MALRD1: variants seen among roughly 807,000 people sequenced by gnomAD.
MALRD1 encodes the protein MAM and LDL-receptor class A domain-containing protein 1.
A neutral mutation model predicts 242.1 loss-of-function variants in MALRD1; 247 were observed. The ratio of observed to expected loss-of-function variants is 1.02; its 90% CI spans 0.92 to 1.13. The LOEUF (loss-of-function observed/expected upper bound fraction) is 1.13. MALRD1 is among the 50% of genes most tolerant of loss of function. The probability of loss-of-function intolerance (pLI) is 0.00; values close to 1 mark genes in which losing one functional copy is unlikely to be tolerated. For synonymous variants in MALRD1, 995 were observed against 866.6 expected, an observed-to-expected ratio of 1.15 and a Z score of -2.60; for missense variants, 2,989 against 2,533.1, an observed-to-expected ratio of 1.18 and a Z score of -3.86.
Position 19,643,141 on chromosome 10 carries a change from A to G in MALRD1, c.6137+27218A>G, listed in dbSNP as rs113445866. ...TTAGTAGTAATGTGGGTAAAATAAA[A>G]ATTGTTTAAGCCCGGAGCGGTGGCT... On this transcript the variant is annotated intron_variant, in intron 36 of 39. Coordinates refer to ENST00000454679, the MANE Select transcript of MALRD1 (RefSeq NM_001142308.3). 2.2e-3 allele frequency among the ~76,000 whole-genome samples: 342 copies of G among 152,226 alleles called. 1 individual carries two copies. The highest frequency in any genetic ancestry group is 7.4e-3 in the African/African-American group (308 of 41,554).
chr10:19,355,926 CATAT>C lies in MALRD1; in HGVS notation c.4441+3633_4441+3636del, dbSNP rs1844617543. Among the ~76,000 whole-genome samples the C allele has an allele frequency of 3.6e-5, 5 of 139,612 alleles. No individual in the cohort carries two copies. The South Asian group carries it at 1.1e-3, about 31-fold the overall frequency. 91.6% of individuals were successfully genotyped at this position (139,612 alleles called of 152,430 possible). A position where few individuals can be genotyped will look rare whatever the true frequency, so the allele number is the denominator to read the frequency against. ...ATATATATATGCTGAGGTTATATAT[CATAT>C]ATAATATATATATGCTAGGGTTAGG... On this transcript the variant is annotated intron_variant, in intron 26 of 39. Transcript: ENST00000454679.
At chr10:19,361,727 A>G (rs1448318666) in intron 26 of MALRD1, among the ~76,000 whole-genome samples, 2 of 152,096 alleles carry the variant, frequency 1.3e-5, no homozygotes, top group African/African-American at 4.8e-5. Context: ...GAAGACCTCA[A>G]TAGAGCTCAC....
intron 38 of MALRD1, among the ~76,000 whole-genome samples, chr10:19,701,865 C>G (rs1833647828): frequency 6.6e-6 from 1 of 150,930 alleles, no homozygotes; most frequent in African/African-American, 2.4e-5. Context: ...CTCTCTTCTT[C>G]CTTTCTCTTC....
At chr10:19,728,669 G>T (rs552033825) in intron 38 of MALRD1, 1 of 152,282 alleles carries the variant, frequency 6.6e-6, no homozygotes, top group South Asian at 2.1e-4. Context: ...CTTGGTGTCA[G>T]TGTCTGTCTT....
At chr10:19,146,668 A>T (rs1554797655) in intron 11 of MALRD1, among the ~76,000 whole-genome samples, 1 of 152,180 alleles carries the variant, frequency 6.6e-6, no homozygotes, top group Non-Finnish European at 1.5e-5. Flanking sequence ...GAGCAATCCA[A>T]TTTTTTCAAA....
intron 5 of MALRD1, among the ~76,000 whole-genome samples, chr10:19,105,234 A>G (rs1310967216): frequency 6.6e-6 from 1 of 151,962 alleles, no homozygotes; most frequent in South Asian, 2.1e-4. Flanking sequence ...TAGGCTTTTG[A>G]AAATTTTGCA....
intron 24 of MALRD1, among the ~76,000 whole-genome samples, chr10:19,341,734 A>G (rs1843888502): frequency 6.6e-6 from 1 of 151,990 alleles, no homozygotes; most frequent in Admixed American, 6.6e-5. Flanking sequence ...CTAAAGAATG[A>G]AAAATGATGA....
Position 19,315,574 on chromosome 10 carries a change from T to TA in MALRD1, c.3420-8372dup, listed in dbSNP as rs1213390792. ...TATAAATATTATTTATATAAATATA[T>TA]AAATTATAAATTATAAATATTTATA... is the stretch of plus-strand genomic sequence containing the variant. On this transcript the variant is annotated intron_variant, in intron 21 of 39. Transcript: ENST00000454679. Among the ~76,000 whole-genome samples, 89 of 102,830 alleles carry TA rather than the reference T, an allele frequency of 8.7e-4. 3 individuals carry two copies. The East Asian group carries it at 0.011, about 12-fold the overall frequency. 67.5% of individuals were successfully genotyped at this position (102,830 alleles called of 152,430 possible).
intron 5 of MALRD1, among the ~76,000 whole-genome samples, chr10:19,113,590 T>C (rs4606374): frequency 0.23 from 34,774 of 151,556 alleles, 4,262 homozygotes; most frequent in Admixed American, 0.32. Flanking sequence ...CTTCCTCTCC[T>C]TTCCTTTTTC....
At chr10:19,463,805 G>A (rs547133387) in intron 29 of MALRD1, among the ~76,000 whole-genome samples, 2 of 152,208 alleles carry the variant, frequency 1.3e-5, no homozygotes, top group South Asian at 4.1e-4. Context: ...GTTTTCCATA[G>A]TGGTTGTACT....
intron 18 of MALRD1, among the ~76,000 whole-genome samples, chr10:19,254,814 A>G (rs1350261723): frequency 6.6e-6 from 1 of 151,994 alleles, no homozygotes; most frequent in Non-Finnish European, 1.5e-5. Flanking sequence ...GATATGTTAT[A>G]TTGGAATTGT....
At chr10:19,245,329 T>C (rs1838994252) in intron 18 of MALRD1, among the ~76,000 whole-genome samples, 2 of 152,174 alleles carry the variant, frequency 1.3e-5, no homozygotes, top group South Asian at 4.1e-4. Context: ...GTGTAGTCTT[T>C]AGCTGGTTTT....
intron 28 of MALRD1, among the ~76,000 whole-genome samples, chr10:19,411,862 A>G (rs1229191997): frequency 1.3e-5 from 2 of 152,252 alleles, no homozygotes; most frequent in African/African-American, 4.8e-5. Flanking sequence ...AAATGTTGCA[A>G]CTGCCAAAAC....
intron 33 of MALRD1, among the ~76,000 whole-genome samples, chr10:19,587,277 G>C (rs1174861666): frequency 6.6e-6 from 1 of 152,172 alleles, no homozygotes; most frequent in East Asian, 1.9e-4. Context: ...TTTGAATGCT[G>C]TTACTAAAAT....
chr10:19,391,392 A>G (rs1846330403), intron 28 of MALRD1, among the ~76,000 whole-genome samples: 1 of 152,220 alleles, frequency 6.6e-6, no homozygotes, highest in Admixed American at 6.5e-5. Flanking sequence ...AACCAGCCTT[A>G]CAGAGTAGTT....
At chr10:19,446,653 A>G (rs903855364) in intron 28 of MALRD1, among the ~76,000 whole-genome samples, 2 of 152,222 alleles carry the variant, frequency 1.3e-5, no homozygotes, top group African/African-American at 4.8e-5. Context: ...TAAATATGCA[A>G]TTTGCAAGAC....
chr10:19,282,147 A>G (rs1409534276), intron 20 of MALRD1, among the ~76,000 whole-genome samples: 2 of 152,136 alleles, frequency 1.3e-5, no homozygotes, highest in Non-Finnish European at 2.9e-5. Flanking sequence ...TACAAATTAT[A>G]TATTTTAAAT....
intron 31 of MALRD1, among the ~76,000 whole-genome samples, chr10:19,525,901 G>A (rs1367836616): frequency 6.6e-6 from 1 of 152,126 alleles, no homozygotes; most frequent in Non-Finnish European, 1.5e-5. Context: ...GTAGTAAGCT[G>A]TAAAACAGTC....
chr10:19,491,003 ATTCAGCAGAAATAGACAG>A (rs1361561471), intron 29 of MALRD1: 1 of 185,928 alleles, frequency 5.4e-6, no homozygotes, highest in East Asian at 1.4e-4. Flanking sequence ...TTATGTGAAA[ATTCAGCAGAAATAGACAG>A]TTGCTTTAAC....
Sources: allele counts gnomAD v4.1 joint callset (sites outside exome capture counted in the v4.1 genomes callset), GRCh38; gene constraint gnomAD v4.1.1; transcripts MANE v1.5; gene names NCBI Gene and HGNC (gene_info 2026-07-23, HGNC 2026-07-21).